The following YTHDC1 variants were observed in gnomAD, a reference collection of about 807,000 sequenced individuals.
YTHDC1 encodes the protein YTH domain-containing protein 1.
In YTHDC1, 12 loss-of-function variants were observed where a neutral mutation model predicts 107.0. The ratio of observed to expected loss-of-function variants is 0.11; its 90% CI spans 0.07 to 0.18. The LOEUF is 0.18. YTHDC1 is among the 10% of genes least tolerant of loss of function. YTHDC1 has a pLI of 1.00. For missense variants in YTHDC1, 635 were observed against 898.8 expected (o/e 0.71, Z 3.75); for synonymous variants, 280 against 289.5 (o/e 0.97, Z 0.33).
chr4:68,325,545 GACCTTTTTTT>G (rs910741021), intron 9 of YTHDC1, among the ~76,000 whole-genome samples: 4 of 152,108 alleles, frequency 2.6e-5, no homozygotes, highest in African/African-American at 9.7e-5. Context: ...TGCCTGCTCA[GACCTTTTTTT>G]AAATTTAATT....
chr4:68,313,984 C>T lies in YTHDC1; in HGVS notation c.*115G>A, dbSNP rs1721532016. ...AAGGGGGTCATAATAAATCCTTCTA[C>T]ACAATGAACTTCATAGGCAGACAGC... On this transcript the variant is annotated 3_prime_UTR_variant, in exon 17 of 17. Transcript: ENST00000344157. 9.2e-7 allele frequency: 1 copy of T among 1,089,454 alleles called. No individual in the cohort carries two copies. The highest frequency in any genetic ancestry group is 1.3e-6 in the Non-Finnish European group (1 of 742,990). The allele number at this position is 1,089,454 out of a possible 1,614,324, so 67.5% of individuals were successfully genotyped here.
intron 1 of YTHDC1, among the ~76,000 whole-genome samples, chr4:68,343,280 C>T (rs900532533): frequency 1.3e-5 from 2 of 151,736 alleles, no homozygotes; most frequent in African/African-American, 4.8e-5. Context: ...ATCACTGCAA[C>T]CTCCACTTCC....
chr4:68,314,929 C>G (rs919269498), intron 16 of YTHDC1, among the ~76,000 whole-genome samples: 1 of 152,118 alleles, frequency 6.6e-6, no homozygotes, highest in Non-Finnish European at 1.5e-5. Flanking sequence ...GGTCTTCTCT[C>G]AAAACTTAGC....
At chr4:68,317,568 A>G (rs1721998864) in intron 15 of YTHDC1, among the ~76,000 whole-genome samples, 1 of 152,246 alleles carries the variant, frequency 6.6e-6, no homozygotes, top group Non-Finnish European at 1.5e-5. Flanking sequence ...ATCTTAAAAT[A>G]TACTCTAAGA....
At chr4:68,340,418 G>C (rs901214502) in intron 1 of YTHDC1, among the ~76,000 whole-genome samples, 5 of 151,690 alleles carry the variant, frequency 3.3e-5, no homozygotes, top group African/African-American at 1.2e-4. Context: ...TTTTATTTTT[G>C]TTTACTTTTA....
rs576915699 is a variant in YTHDC1, at chr4:68,349,736, C to A, written c.18G>T (p.Arg6=). The A allele has an allele frequency of 1.2e-6, 2 of 1,613,536 alleles. No homozygotes were observed. The highest frequency in any genetic ancestry group is 2.7e-5 in the African/African-American group (2 of 74,952). Residue 6 remains arginine, a synonymous_variant, in exon 1 of 17, where the codon CGG becomes CGT. Transcript: ENST00000344157. MAADS[R]EEKDGELNVL... ...TTTCTCCGCACTAACCTTTCTCCTC[C>A]CGACTGTCAGCCGCCATGGCTCCCC...
chr4:68,330,349 T>A (rs1401436655), intron 7 of YTHDC1, 39 bp from the exon 8 acceptor site: 1 of 1,341,224 alleles, frequency 7.5e-7, no homozygotes, highest in African/African-American at 1.5e-5. Flanking sequence ...TGAAATTAAC[T>A]ACAACTCTTT....
At chr4:68,320,313 A>G in intron 11 of YTHDC1, 108 bp from the exon 12 acceptor site, 1 of 709,252 alleles carries the variant, frequency 1.4e-6, no homozygotes, top group South Asian at 2.3e-5. Flanking sequence ...CCATTATTTA[A>G]CATCTTAATT....
Position 68,330,070 on chromosome 4 carries a change from G to A in YTHDC1, c.1281C>T (p.His427=), listed in dbSNP as rs1318908781. 1 of 1,613,626 alleles carries A rather than the reference G, an allele frequency of 6.2e-7. No homozygotes were observed. Among genetic ancestry groups the A allele is most frequent in the Non-Finnish European group, 8.5e-7 (1 of 1,179,738 alleles). The part of the protein sequence containing the change: ...SESHHGGSPI[H]WVLPAGMSAK... ...CACTCATTCCTGCTGGAAGCACCCA[G>A]TGTATAGGAGATCCTCCGTGATGTG... Residue 427 remains histidine (H), a synonymous_variant, in exon 9 of 17, where the codon CAC becomes CAT. Coordinates refer to ENST00000344157, the MANE Select transcript of YTHDC1 (RefSeq NM_001031732.4).
chr4:68,318,076 CA>C (rs1722057249), intron 15 of YTHDC1, among the ~76,000 whole-genome samples: 1 of 152,156 alleles, frequency 6.6e-6, no homozygotes, highest in Non-Finnish European at 1.5e-5. Context: ...AGACAGCATA[CA>C]ATTATTTATC....
At position 68,317,686 on chromosome 4, in the gene YTHDC1, A is replaced by G. The variant is rs138787155; in HGVS notation, c.1824+833T>C. Among the ~76,000 whole-genome samples the G allele has an allele frequency of 4.6e-5, 7 of 152,376 alleles. No individual in the cohort carries two copies. The East Asian group carries it at 1.3e-3, about 29-fold the overall frequency. ...TGAGTATTAGATCAGGCACTATGCT[A>G]AACTTAACATGTACTTTGTAAATTT... On this transcript the variant is annotated intron_variant, in intron 15 of 16. Transcript: ENST00000344157.
chr4:68,342,262 C>T (rs1724890643), intron 1 of YTHDC1, among the ~76,000 whole-genome samples: 1 of 152,142 alleles, frequency 6.6e-6, no homozygotes, highest in Non-Finnish European at 1.5e-5. Flanking sequence ...TGTTCATTGA[C>T]AAGTCTCGTT....
intron 4 of YTHDC1, among the ~76,000 whole-genome samples, chr4:68,333,624 G>A (rs988083670): frequency 4.6e-5 from 7 of 151,924 alleles, no homozygotes; most frequent in Admixed American, 3.3e-4. Context: ...AAAAACACAC[G>A]AAATAACTAC....
In YTHDC1 at chr4:68,332,797, T is replaced by C; in HGVS notation, c.1024A>G (p.Lys342Glu). The part of the protein sequence containing the change: ...KLSSSVRAVR[K>E]DQTSKLKYVL... ...CAATTTCAAATTTAAATGATACCTTTTCGGACAGCACGAACGGAAGATGAT... is the reference window on the plus strand; with the variant it reads ...CAATTTCAAATTTAAATGATACCTTCTCGGACAGCACGAACGGAAGATGAT... Residue 342 changes from lysine to glutamate, a missense_variant, in exon 6 of 17, where the codon AAA (lysine) becomes GAA (glutamate). Transcript: ENST00000344157. The C allele has an allele frequency of 2.5e-6, 4 of 1,613,116 alleles. No homozygotes were observed. Among genetic ancestry groups the C allele is most frequent in the Non-Finnish European group, 3.4e-6 (4 of 1,179,528 alleles).
In YTHDC1 at chr4:68,313,692, T is replaced by G. The variant is rs1721495175; in HGVS notation, c.*407A>C. ...TGCATACTCGATAGCAGCATTATTT[T>G]TACTGAACCGTGTGCAACTACATGT... On this transcript the variant is annotated 3_prime_UTR_variant, in exon 17 of 17. Coordinates refer to ENST00000344157, the MANE Select transcript of YTHDC1 (RefSeq NM_001031732.4). 5.7e-6 allele frequency: 1 copy of G among 175,436 alleles called. No homozygotes were observed. The highest frequency in any genetic ancestry group is 5.5e-5 in the Admixed American group (1 of 18,092). The allele number at this position is 175,436 out of a possible 1,614,324, so 10.9% of individuals were successfully genotyped here.
chr4:68,350,028 G>A lies in YTHDC1; in HGVS notation c.-275C>T, dbSNP rs1336106944. 3.6e-6 allele frequency: 2 copies of A among 552,600 alleles called. No individual in the cohort carries two copies. The highest frequency in any genetic ancestry group is 6.4e-6 in the Non-Finnish European group (2 of 311,358). 34.2% of individuals were successfully genotyped at this position (552,600 alleles called of 1,614,324 possible). ...ATGGGGGAGGGAAGGGAAACAGATG[G>A]CGACGGCGGGCGGCGCTAAAATGGA... On this transcript the variant is annotated 5_prime_UTR_variant, in exon 1 of 17. Transcript: ENST00000344157.
intron 10 of YTHDC1, 77 bp downstream of exon 10, chr4:68,324,062 A>G: frequency 7.5e-7 from 1 of 1,332,666 alleles, no homozygotes; most frequent in South Asian, 1.3e-5. Flanking sequence ...GAAACGGTTA[A>G]AACGAATACA....
At position 68,312,190 on chromosome 4, in the gene YTHDC1, G is replaced by C. The variant is rs1166639431; in HGVS notation, c.*1909C>G. ...TTAGAAACACCAAATAAAAACATGG[G>C]TAAAATCTTGGCCCATCAATTACTA... is the stretch of plus-strand genomic sequence containing the variant. On this transcript the variant is annotated 3_prime_UTR_variant, in exon 17 of 17. Coordinates refer to ENST00000344157, the MANE Select transcript of YTHDC1 (RefSeq NM_001031732.4). 5 of 152,148 alleles carry C rather than the reference G, an allele frequency of 3.3e-5. No homozygotes were observed. Among genetic ancestry groups the C allele is most frequent in the African/African-American group, 1.2e-4 (5 of 41,428 alleles). 9.4% of individuals were successfully genotyped at this position (152,148 alleles called of 1,614,324 possible).
chr4:68,345,932 G>A (rs531754104), intron 1 of YTHDC1, among the ~76,000 whole-genome samples: 26 of 151,734 alleles, frequency 1.7e-4, no homozygotes, highest in African/African-American at 6.3e-4. Flanking sequence ...TAGATATGTA[G>A]TAGGTTATGC....
Sources: allele counts gnomAD v4.1 joint callset (sites outside exome capture counted in the v4.1 genomes callset), GRCh38; gene constraint gnomAD v4.1.1; transcripts MANE v1.5; gene names NCBI Gene and HGNC (gene_info 2026-07-23, HGNC 2026-07-21).